The following BRCA2 variants were observed in gnomAD, a reference collection of about 807,000 sequenced individuals.
BRCA2 encodes the protein breast cancer type 2 susceptibility protein.
Under a neutral mutation model 276.7 loss-of-function variants are expected in BRCA2, and 203 were observed. The observed-to-expected ratio is 0.73, with a 90% CI of 0.65 to 0.82. The LOEUF (loss-of-function observed/expected upper bound fraction) is 0.82. Ranked by LOEUF, BRCA2 falls within the 40% of genes least tolerant of loss-of-function variation. The pLI, the probability that BRCA2 is intolerant of heterozygous loss-of-function variation, is 0.00. For synonymous variants in BRCA2, 1,289 were observed against 1,338.4 expected (o/e 0.96, Z 0.81); for missense variants, 3,920 against 3,915.0 (o/e 1.00, Z -0.03).
rs1555289784 is a variant in BRCA2, at chr13:32,396,978, A to G, written c.9582A>G (p.Pro3194=). 1 of 1,614,132 alleles carries G rather than the reference A, an allele frequency of 6.2e-7. No individual in the cohort carries two copies. Among genetic ancestry groups the G allele is most frequent in the Middle Eastern group, 1.6e-4 (1 of 6,062 alleles). Residue 3194 remains proline (P), a synonymous_variant, in exon 26 of 27, where the codon CCA becomes CCG. Transcript: ENST00000380152. ...CAAATGATCCCAAGTGGTCCACCCCAACTAAAGACTGTACTTCAGGGCCGT... is the reference window on the plus strand; with the variant it reads ...CAAATGATCCCAAGTGGTCCACCCCGACTAAAGACTGTACTTCAGGGCCGT... ...LHANDPKWST[P]TKDCTSGPYT...
Position 32,330,952 on chromosome 13 carries a change from AG to A in BRCA2, c.716del (p.Ser239IlefsTer2). The A allele has an allele frequency of 1.2e-6, 2 of 1,613,170 alleles. No homozygotes were observed. The highest frequency in any genetic ancestry group is 1.7e-6 in the Non-Finnish European group (2 of 1,179,336). On this transcript the variant is annotated frameshift_variant, in exon 9 of 27. Coordinates refer to ENST00000380152, the MANE Select transcript of BRCA2 (RefSeq NM_000059.4). LOFTEE classifies it high-confidence loss of function. The part of the protein sequence containing the change: ...VKSYFSNHDE[S>X]LKKNDRFIAS... The stretch of plus-strand genomic sequence containing the variant: ...AAGCTATTTTTCCAATCATGATGAA[AG>A]TCTGAAGAAAAATGATAGATTTATC...
chr13:32,369,121 A>G (rs1398118857), intron 18 of BRCA2, among the ~76,000 whole-genome samples: 1 of 151,706 alleles, frequency 6.6e-6, no homozygotes, highest in Admixed American at 6.6e-5. Context: ...TTTTGTTTTC[A>G]ATAATAGCAT....
chr13:32,321,522 C>T (rs1316628439), intron 3 of BRCA2, among the ~76,000 whole-genome samples: 1 of 152,092 alleles, frequency 6.6e-6, no homozygotes, highest in Non-Finnish European at 1.5e-5. Context: ...TTAATCATAA[C>T]CTGCTAGAAT....
chr13:32,359,462 T>C (rs2072724555), intron 16 of BRCA2, among the ~76,000 whole-genome samples: 1 of 152,258 alleles, frequency 6.6e-6, no homozygotes, highest in East Asian at 1.9e-4. Flanking sequence ...TTATTGTAGT[T>C]TTTACAGAAA....
intron 16 of BRCA2, among the ~76,000 whole-genome samples, chr13:32,360,458 C>G (rs2072730946): frequency 6.6e-6 from 1 of 152,130 alleles, no homozygotes; most frequent in Admixed American, 6.5e-5. Context: ...CTCCCAGGTT[C>G]AAGCGATTCT....
chr13:32,328,438 C>T (rs1260976472), intron 7 of BRCA2, among the ~76,000 whole-genome samples: 1 of 152,014 alleles, frequency 6.6e-6, no homozygotes, highest in East Asian at 1.9e-4. Flanking sequence ...GAGGAGGTTT[C>T]ACTGGGTTGG....
At chr13:32,381,180 ATATT>A (rs1418341259) in intron 24 of BRCA2, among the ~76,000 whole-genome samples, 1 of 152,184 alleles carries the variant, frequency 6.6e-6, no homozygotes, top group Non-Finnish European at 1.5e-5. Flanking sequence ...TAATTCATCA[ATATT>A]TATTTAATGA....
rs776792554 is a variant in BRCA2, at chr13:32,357,954, G to T, written c.7805+25G>T. 6.8e-6 allele frequency: 11 copies of T among 1,606,948 alleles called. No homozygotes were observed. Among genetic ancestry groups the T allele is most frequent in the Middle Eastern group, 1.6e-4 (1 of 6,078 alleles). On this transcript the variant is annotated intron_variant, in intron 16 of 26. Coordinates refer to ENST00000380152, the MANE Select transcript of BRCA2 (RefSeq NM_000059.4). ...GGTACTCTATGCAAAAAGATTGTGT[G>T]TTAACTTTTATGTATTCCCTCATCC...
intron 20 of BRCA2, among the ~76,000 whole-genome samples, chr13:32,374,111 G>A (rs1160783547): frequency 6.6e-6 from 1 of 152,278 alleles, no homozygotes; most frequent in Non-Finnish European, 1.5e-5. Context: ...GCTGGAGCAA[G>A]TGGGACACAG....
At chr13:32,335,629 A>T (rs2072442005) in intron 10 of BRCA2, among the ~76,000 whole-genome samples, 2 of 151,710 alleles carry the variant, frequency 1.3e-5, no homozygotes, top group African/African-American at 2.4e-5. Flanking sequence ...CAGCAATGAA[A>T]TTTTTTCAAT....
rs776353983 is a variant in BRCA2 at position 32,370,548 on chromosome 13, C to A, written c.8478C>A (p.Tyr2826Ter). Residue 2826 changes from tyrosine (Y) to a stop codon, truncating the protein, a stop_gained, in exon 19 of 27, where the codon TAC becomes TAA. Coordinates refer to ENST00000380152, the MANE Select transcript of BRCA2 (RefSeq NM_000059.4). LOFTEE classifies it high-confidence loss of function. ...GCVDVIIQRA[Y>*]PIQWMEKTSS... ...TTGATGTAATTATTCAAAGAGCATACCCTATACAGGTATGATGTATTCTTG... is the reference window on the plus strand; with the variant it reads ...TTGATGTAATTATTCAAAGAGCATAACCTATACAGGTATGATGTATTCTTG... 1 of 1,612,398 alleles carries A rather than the reference C, an allele frequency of 6.2e-7. No individual in the cohort carries two copies. Among genetic ancestry groups the A allele is most frequent in the South Asian group, 1.1e-5 (1 of 91,050 alleles).
intron 22 of BRCA2, 26 bp from the exon 23 acceptor site, chr13:32,379,724 C>T (rs1355932368): frequency 1.9e-6 from 3 of 1,598,744 alleles, no homozygotes; most frequent in Non-Finnish European, 2.6e-6. Flanking sequence ...TCTTCCATTG[C>T]ATCTTTCTCA....
chr13:32,370,701 G>A (rs1030938177), intron 19 of BRCA2, 144 bp downstream of exon 19: 19 of 994,180 alleles, frequency 1.9e-5, no homozygotes, highest in East Asian at 1.6e-4. Context: ...TCCACCTCCC[G>A]GGTTCAAGTG....
Position 32,397,171 on chromosome 13 carries a change from G to A in BRCA2, c.9648+127G>A, listed in dbSNP as rs182622896. 2.3e-4 allele frequency: 253 copies of A among 1,097,900 alleles called. 2 individuals carry two copies. In the East Asian group the frequency reaches 5.8e-3, roughly 25 times the overall value. 68.0% of individuals were successfully genotyped at this position (1,097,900 alleles called of 1,614,324 possible). A position where few individuals can be genotyped will look rare whatever the true frequency, so the allele number is the denominator to read the frequency against. On this transcript the variant is annotated intron_variant, in intron 26 of 26. Coordinates refer to ENST00000380152, the MANE Select transcript of BRCA2 (RefSeq NM_000059.4). ...TAATTAGAAAATGTGGTTGTTATGT[G>A]GCTCCTGTAAGTATAGTTATTTAGA... is the stretch of plus-strand genomic sequence containing the variant.
chr13:32,359,228 A>G (rs1368731529), intron 16 of BRCA2, among the ~76,000 whole-genome samples: 1 of 150,126 alleles, frequency 6.7e-6, no homozygotes, highest in African/African-American at 2.4e-5. Context: ...TCAAGAAAAA[A>G]AAAAAAAAAA....
At chr13:32,368,798 G>GT (rs111422380) in intron 18 of BRCA2, among the ~76,000 whole-genome samples, 139 of 134,600 alleles carry the variant, frequency 1.0e-3, no homozygotes, top group African/African-American at 3.0e-3. Flanking sequence ...TTGTTTTTTT[G>GT]TTTTTTTTTT....
In BRCA2 at chr13:32,325,696, A is replaced by G. The variant is rs11571617; in HGVS notation, c.426-405A>G. The stretch of plus-strand genomic sequence containing the variant: ...GCTGGGACTACAGGCGCCCGCCACC[A>G]TGCCCGGCTAATTTTTTGTATTTTT... On this transcript the variant is annotated intron_variant, in intron 4 of 26. Transcript: ENST00000380152. Among the ~76,000 whole-genome samples the G allele has an allele frequency of 6.0e-3, 910 of 151,832 alleles. 9 individuals carry two copies. The highest frequency in any genetic ancestry group is 0.021 in the African/African-American group (877 of 41,410).
intron 25 of BRCA2, among the ~76,000 whole-genome samples, chr13:32,396,285 C>T (rs948766089): frequency 4.6e-5 from 7 of 152,190 alleles, no homozygotes; most frequent in Middle Eastern, 3.4e-3. Flanking sequence ...TTCTCTGAGA[C>T]GTCTTCAAAG....
At chr13:32,356,350 G>C (rs922339235) in intron 14 of BRCA2, 78 bp from the exon 15 acceptor site, 4 of 1,425,660 alleles carry the variant, frequency 2.8e-6, no homozygotes. Flanking sequence ...GATTACAGGC[G>C]TGAGCCACTG....
Sources: gnomAD v4.1 joint callset for allele counts (sites outside exome capture counted in the v4.1 genomes callset) on GRCh38, gnomAD v4.1.1 for gene constraint, MANE v1.5 for transcripts, NCBI Gene and HGNC (gene_info 2026-07-23, HGNC 2026-07-21) for gene names.